Variants in ACTR3C observed in about 807,000 individuals in gnomAD.
ACTR3C encodes the protein actin-related protein 3C.
In ACTR3C, 18 loss-of-function variants were observed where a neutral mutation model predicts 26.3. That is an observed-to-expected ratio of 0.68 (90% CI 0.47 to 1.01). The LOEUF is 1.01. Ranked by LOEUF, ACTR3C falls within the 50% of genes least tolerant of loss-of-function variation. The pLI is 0.00. For synonymous variants in ACTR3C, 55 were observed against 94.5 expected, an observed-to-expected ratio of 0.58 and a Z score of 2.42; for missense variants, 184 against 250.7, an observed-to-expected ratio of 0.73 and a Z score of 1.80.
At chr7:150,320,838 G>C (rs550417224) in intron 1 of ACTR3C, among the ~76,000 whole-genome samples, 1 of 152,318 alleles carries the variant, frequency 6.6e-6, no homozygotes, top group East Asian at 1.9e-4. Context: ...GTGATCAAGA[G>C]TGCTGACTTC....
At chr7:149,997,785 TAGAACAAATCC>T in the ACTR3C span, among the ~76,000 whole-genome samples, 1 of 150,178 alleles carries the variant, frequency 6.7e-6, no homozygotes, top group Non-Finnish European at 1.5e-5. Context: ...ATCAGTATAT[TAGAACAAATCC>T]TGATGTGATT....
the ACTR3C span, chr7:149,891,435 T>C: frequency 8.4e-6 from 8 of 957,092 alleles, no homozygotes; most frequent in Admixed American, 2.7e-5. Context: ...TTAATTCTTG[T>C]AAAGAAACAA....
At chr7:150,130,174 G>A in the ACTR3C span, among the ~76,000 whole-genome samples, 1 of 152,048 alleles carries the variant, frequency 6.6e-6, no homozygotes, top group Non-Finnish European at 1.5e-5. Flanking sequence ...AATTTAACAT[G>A]AACTGCATTA....
chr7:150,029,426 A>AAAAAAAC, the ACTR3C span, among the ~76,000 whole-genome samples: 16 of 129,600 alleles, frequency 1.2e-4, no homozygotes, highest in Admixed American at 2.3e-4. Flanking sequence ...AACAAACAAA[A>AAAAAAAC]AAAAACCATG....
the ACTR3C span, among the ~76,000 whole-genome samples, chr7:150,146,601 C>T: frequency 6.6e-6 from 1 of 152,122 alleles, no homozygotes; most frequent in Admixed American, 6.5e-5. Context: ...GCCTCCTTTG[C>T]TATGTGACTA....
chr7:150,184,434 C>A, the ACTR3C span, among the ~76,000 whole-genome samples: 1 of 150,544 alleles, frequency 6.6e-6, no homozygotes, highest in Non-Finnish European at 1.5e-5. Flanking sequence ...GTCTATGGAC[C>A]TTGACTGGAA....
the ACTR3C span, among the ~76,000 whole-genome samples, chr7:149,964,461 G>A: frequency 6.6e-6 from 1 of 152,174 alleles, no homozygotes; most frequent in Non-Finnish European, 1.5e-5. Flanking sequence ...TAGTGGGAGG[G>A]GAGGTGATGG....
At chr7:150,263,073 G>T (rs1833766044) in intron 6 of ACTR3C, among the ~76,000 whole-genome samples, 1 of 152,124 alleles carries the variant, frequency 6.6e-6, no homozygotes, top group Non-Finnish European at 1.5e-5. Flanking sequence ...GAGAGGTATG[G>T]AGGCTTCCTA....
rs530251746 is a variant in ACTR3C, at chr7:150,250,986, A to C, written c.565-1932T>G. 2.0e-5 allele frequency among the ~76,000 whole-genome samples: 3 copies of C among 152,336 alleles called. No individual in the cohort carries two copies. The South Asian group carries it at 6.2e-4, about 32-fold the overall frequency. On this transcript the variant is annotated intron_variant, in intron 6 of 7. Transcript: ENST00000683684. ...TCAACTTTATTCATGGAACCATACA[A>C]ATGTAAATATGGACGGAATATCTAT...
At chr7:150,232,207 G>A in the ACTR3C span, among the ~76,000 whole-genome samples, 2 of 152,094 alleles carry the variant, frequency 1.3e-5, no homozygotes, top group African/African-American at 2.4e-5. Context: ...AAAAATTAGT[G>A]TTAACAAGAT....
intron 1 of ACTR3C, among the ~76,000 whole-genome samples, chr7:150,316,981 A>G (rs1012570885): frequency 4.6e-5 from 7 of 151,604 alleles, no homozygotes; most frequent in African/African-American, 1.5e-4. Context: ...TTTCACATAG[A>G]TTTTGTACAT....
chr7:150,053,399 T>C, the ACTR3C span, among the ~76,000 whole-genome samples: 1 of 152,254 alleles, frequency 6.6e-6, no homozygotes, highest in African/African-American at 2.4e-5. Flanking sequence ...AATGAGTCTC[T>C]GCACTTCAGT....
chr7:150,023,314 GATACATAC>G, the ACTR3C span, among the ~76,000 whole-genome samples: 2 of 64,650 alleles, frequency 3.1e-5, 1 homozygote, highest in African/African-American at 1.2e-4. Context: ...TAGATAGATA[GATACATAC>G]ATACATACAT....
chr7:150,298,493 G>A (rs1219717180), intron 1 of ACTR3C, among the ~76,000 whole-genome samples: 1 of 148,240 alleles, frequency 6.7e-6, no homozygotes, highest in Non-Finnish European at 1.5e-5. Flanking sequence ...TACTAGGCTT[G>A]GTAAGCTATT....
At chr7:150,057,281 T>A in the ACTR3C span, among the ~76,000 whole-genome samples, 1 of 148,194 alleles carries the variant, frequency 6.7e-6, no homozygotes, top group African/African-American at 2.5e-5. Context: ...AGGTCCTTTT[T>A]TTTTTTTTTT....
chr7:150,307,874 C>T (rs1795930856), intron 1 of ACTR3C, among the ~76,000 whole-genome samples: 1 of 152,216 alleles, frequency 6.6e-6, no homozygotes, highest in African/African-American at 2.4e-5. Flanking sequence ...ATTCTCTTCT[C>T]TAACCTCTGT....
the ACTR3C span, among the ~76,000 whole-genome samples, chr7:150,180,733 A>G: frequency 1.3e-5 from 2 of 149,270 alleles, no homozygotes; most frequent in East Asian, 1.9e-4. Context: ...GATGGTCTCT[A>G]TCTCCTGACC....
At chr7:149,996,102 C>G in the ACTR3C span, among the ~76,000 whole-genome samples, 1 of 152,102 alleles carries the variant, frequency 6.6e-6, no homozygotes, top group Non-Finnish European at 1.5e-5. Flanking sequence ...CATGTTGGGA[C>G]CAGACAGAGA....
chr7:150,062,308 T>A, the ACTR3C span: 3 of 68,320 alleles, frequency 4.4e-5, no homozygotes, highest in East Asian at 4.5e-4. Flanking sequence ...GATTTTTTTT[T>A]AAAATTGAAA....
Sources: allele counts gnomAD v4.1 joint callset (sites outside exome capture counted in the v4.1 genomes callset), GRCh38; gene constraint gnomAD v4.1.1; transcripts MANE v1.5; gene names NCBI Gene and HGNC (gene_info 2026-07-23, HGNC 2026-07-21).